The following NRXN3 variants were observed in gnomAD, a reference collection of about 807,000 sequenced individuals.
The protein encoded by NRXN3 is neurexin 3.
A neutral mutation model predicts 137.6 loss-of-function variants in NRXN3; 32 were observed. The ratio of observed to expected loss-of-function variants is 0.23; its 90% CI spans 0.18 to 0.31. The LOEUF is 0.31. NRXN3 is among the 10% of genes least tolerant of loss of function. NRXN3 has a pLI of 1.00. For synonymous variants in NRXN3, 798 were observed against 784.5 expected (o/e 1.02, Z -0.29); for missense variants, 1,574 against 2,062.5 (o/e 0.76, Z 4.59).
chr14:79,018,442 C>T lies in NRXN3; in HGVS notation c.3262+30301C>T, dbSNP rs144524979. On this transcript the variant is annotated intron_variant, in intron 15 of 20. Coordinates refer to ENST00000335750, the MANE Select transcript of NRXN3 (RefSeq NM_001330195.2). Reference sequence around the variant, plus strand: ...ATCATAGCCCTGCCACTTCTACATGCATTGGAGGAAGTGATTTCTCCACTT... The same window carrying T: ...ATCATAGCCCTGCCACTTCTACATGTATTGGAGGAAGTGATTTCTCCACTT... Among the ~76,000 whole-genome samples, 6 of 152,192 alleles carry T rather than the reference C, an allele frequency of 3.9e-5. No individual in the cohort carries two copies. The East Asian group carries it at 9.7e-4, about 25-fold the overall frequency.
chr14:79,571,130 G>A (rs1390536659), intron 16 of NRXN3, among the ~76,000 whole-genome samples: 1 of 152,110 alleles, frequency 6.6e-6, no homozygotes, highest in Non-Finnish European at 1.5e-5. Context: ...TCTTCCCTAT[G>A]CTGGTGTGGA....
At position 79,007,970 on chromosome 14, in the gene NRXN3, T is replaced by C. The variant is rs74067013; in HGVS notation, c.3262+19829T>C. 7.9e-3 allele frequency among the ~76,000 whole-genome samples: 1,202 copies of C among 152,132 alleles called. 18 individuals carry two copies. Among genetic ancestry groups the C allele is most frequent in the African/African-American group, 0.027 (1,134 of 41,496 alleles). On this transcript the variant is annotated intron_variant, in intron 15 of 20. Coordinates refer to ENST00000335750, the MANE Select transcript of NRXN3 (RefSeq NM_001330195.2). ...TTTTCTGGTTCTGTGGCTTAGAAGG[T>C]TTAAGCTCTGTCAAGTGGCTCAAGC...
At chr14:79,831,050 G>T (rs1351060564) in intron 20 of NRXN3, among the ~76,000 whole-genome samples, 2 of 140,850 alleles carry the variant, frequency 1.4e-5, no homozygotes, top group Non-Finnish European at 3.2e-5. Flanking sequence ...GGTCTTTAAA[G>T]ATCGACAGTC....
At chr14:79,409,603 G>GTT (rs1289764130) in intron 15 of NRXN3, among the ~76,000 whole-genome samples, 47 of 101,622 alleles carry the variant, frequency 4.6e-4, no homozygotes, top group Non-Finnish European at 7.4e-4. Context: ...GCAAGTGTGT[G>GTT]TGTGTGTGTG....
At chr14:79,084,114 A>T (rs563670448) in intron 15 of NRXN3, among the ~76,000 whole-genome samples, 11 of 151,808 alleles carry the variant, frequency 7.2e-5, no homozygotes, top group Admixed American at 2.0e-4. Context: ...GGGGGCCTCT[A>T]TATTGCCCAG....
At chr14:78,293,822 C>T (rs974566877) in intron 3 of NRXN3, among the ~76,000 whole-genome samples, 2 of 152,154 alleles carry the variant, frequency 1.3e-5, no homozygotes, top group South Asian at 2.1e-4. Context: ...TCCCTTTTTC[C>T]TTATATGAAC....
intron 15 of NRXN3, among the ~76,000 whole-genome samples, chr14:79,023,229 G>T (rs1271389996): frequency 6.6e-6 from 1 of 151,700 alleles, no homozygotes; most frequent in African/African-American, 2.4e-5. Flanking sequence ...AGTATCTTTG[G>T]GGGTTTGGTG....
At chr14:79,474,355 C>A (rs1286669363) in intron 16 of NRXN3, among the ~76,000 whole-genome samples, 1 of 152,100 alleles carries the variant, frequency 6.6e-6, no homozygotes, top group Non-Finnish European at 1.5e-5. Flanking sequence ...GAGGTGATGA[C>A]TGCATTAGAG....
At chr14:79,214,204 G>A (rs2068130731) in intron 15 of NRXN3, among the ~76,000 whole-genome samples, 1 of 152,198 alleles carries the variant, frequency 6.6e-6, no homozygotes, top group Admixed American at 6.5e-5. Context: ...AGAATATATA[G>A]AGAGAAGGTG....
chr14:79,171,858 A>T (rs931966242), intron 15 of NRXN3, among the ~76,000 whole-genome samples: 32 of 151,784 alleles, frequency 2.1e-4, no homozygotes, highest in African/African-American at 7.5e-4. Flanking sequence ...AATTCCAACT[A>T]AGGTAAAGTT....
intron 6 of NRXN3, chr14:78,703,788 C>T (rs2098315434): frequency 6.6e-6 from 1 of 152,204 alleles, no homozygotes; most frequent in Admixed American, 6.5e-5. Context: ...GGCCTCAAGT[C>T]ACAAACCTGT....
intron 8 of NRXN3, among the ~76,000 whole-genome samples, chr14:78,734,961 A>G (rs191107291): frequency 6.6e-6 from 1 of 152,300 alleles, no homozygotes. Flanking sequence ...CAGGAGAATA[A>G]CATGACCAGA....
chr14:78,653,397 G>C (rs2097761694), intron 6 of NRXN3, among the ~76,000 whole-genome samples: 1 of 152,168 alleles, frequency 6.6e-6, no homozygotes, highest in Admixed American at 6.5e-5. Context: ...TTGTTACCAA[G>C]GACATGGCTC....
At chr14:79,422,340 G>T (rs952840381) in intron 15 of NRXN3, among the ~76,000 whole-genome samples, 1 of 152,060 alleles carries the variant, frequency 6.6e-6, no homozygotes, top group African/African-American at 2.4e-5. Flanking sequence ...TAGGATTACA[G>T]GCATGAGCCA....
At chr14:78,639,304 G>A (rs1438504163) in intron 4 of NRXN3, among the ~76,000 whole-genome samples, 1 of 152,206 alleles carries the variant, frequency 6.6e-6, no homozygotes, top group Admixed American at 6.5e-5. Flanking sequence ...GACAAAGGCT[G>A]CATGCTACAA....
chr14:79,488,399 GGTA>G (rs1243670275), intron 16 of NRXN3, among the ~76,000 whole-genome samples: 1 of 152,114 alleles, frequency 6.6e-6, no homozygotes, highest in African/African-American at 2.4e-5. Context: ...CTTCTTCCAA[GGTA>G]GTAGGGTGGC....
chr14:78,354,774 A>T (rs2084025613), intron 4 of NRXN3, among the ~76,000 whole-genome samples: 1 of 152,234 alleles, frequency 6.6e-6, no homozygotes, highest in African/African-American at 2.4e-5. Context: ...TTCAACAACC[A>T]GTAAGAAGGT....
intron 1 of NRXN3, among the ~76,000 whole-genome samples, chr14:78,172,654 G>A (rs190225538): frequency 3.9e-5 from 6 of 152,100 alleles, no homozygotes; most frequent in Non-Finnish European, 8.8e-5. Context: ...CTTCTGGAAG[G>A]GGGGGAAAAG....
intron 15 of NRXN3, among the ~76,000 whole-genome samples, chr14:79,149,873 G>C (rs1283387058): frequency 1.3e-5 from 2 of 151,982 alleles, no homozygotes; most frequent in Non-Finnish European, 2.9e-5. Context: ...GGGAGGAGGA[G>C]AGCATCAGGA....
Sources: allele counts gnomAD v4.1 joint callset (sites outside exome capture counted in the v4.1 genomes callset), GRCh38; gene constraint gnomAD v4.1.1; transcripts MANE v1.5; gene names NCBI Gene and HGNC (gene_info 2026-07-23, HGNC 2026-07-21).